The following RAB10 variants were observed in gnomAD, a reference collection of about 807,000 sequenced individuals.
RAB10 encodes ras-related protein Rab-10.
In RAB10, 5 loss-of-function variants were observed where a neutral mutation model predicts 25.7. That is an observed-to-expected ratio of 0.19 (90% confidence interval 0.10 to 0.41). The LOEUF (loss-of-function observed/expected upper bound fraction) is 0.41. Among genes scored for constraint, RAB10 ranks in the 10% least tolerant of loss-of-function variants. RAB10 has a pLI of 1.00. For synonymous variants in RAB10, 89 were observed against 86.4 expected, an observed-to-expected ratio of 1.03 and a Z score of -0.16; for missense variants, 103 against 245.8, an observed-to-expected ratio of 0.42 and a Z score of 3.89.
intron 1 of RAB10, among the ~76,000 whole-genome samples, chr2:26,037,587 C>T (rs1035190503): frequency 8.6e-5 from 13 of 151,234 alleles, no homozygotes; most frequent in Non-Finnish European, 1.5e-4. Flanking sequence ...TGTGGTGAGC[C>T]GAGATCGTGC....
intron 1 of RAB10, among the ~76,000 whole-genome samples, chr2:26,044,995 GTT>G (rs80128722): frequency 7.3e-6 from 1 of 136,668 alleles, no homozygotes; most frequent in Non-Finnish European, 1.6e-5. Flanking sequence ...TTTTGTTTTT[GTT>G]TTTTTTTTTT....
chr2:26,037,331 G>A (rs1231395370), intron 1 of RAB10, among the ~76,000 whole-genome samples: 1 of 151,964 alleles, frequency 6.6e-6, no homozygotes, highest in Non-Finnish European at 1.5e-5. Flanking sequence ...AACCTCTGTC[G>A]GCTTCAGGCT....
chr2:26,057,686 G>A (rs1039230726), intron 1 of RAB10, among the ~76,000 whole-genome samples: 6 of 128,706 alleles, frequency 4.7e-5, no homozygotes, highest in African/African-American at 1.7e-4. Context: ...GCAGTGACGC[G>A]ATCGCTGCTG....
intron 1 of RAB10, among the ~76,000 whole-genome samples, chr2:26,071,688 CAAAA>C (rs70950164): frequency 2.1e-5 from 3 of 144,570 alleles, no homozygotes; most frequent in African/African-American, 2.6e-5. Context: ...GACTTCATCT[CAAAA>C]AAAAAAAAAA....
At chr2:26,117,032 A>G (rs556938473) in intron 3 of RAB10, among the ~76,000 whole-genome samples, 1 of 152,254 alleles carries the variant, frequency 6.6e-6, no homozygotes, top group Non-Finnish European at 1.5e-5. Context: ...AGAGATAAGA[A>G]GAATTTATAT....
At chr2:26,045,868 A>G (rs1190109047) in intron 1 of RAB10, among the ~76,000 whole-genome samples, 1 of 151,836 alleles carries the variant, frequency 6.6e-6, no homozygotes, top group Non-Finnish European at 1.5e-5. Flanking sequence ...ACTTTATTTT[A>G]TATATAAAAA....
chr2:26,131,030 C>CT (rs36069349), intron 5 of RAB10, among the ~76,000 whole-genome samples: 4,238 of 110,210 alleles, frequency 0.038, 165 homozygotes, highest in African/African-American at 0.097. Flanking sequence ...TCAGTCTTGG[C>CT]TTTTTTTTTT....
intron 1 of RAB10, among the ~76,000 whole-genome samples, chr2:26,050,897 G>A (rs554171762): frequency 2.2e-3 from 328 of 151,762 alleles, no homozygotes; most frequent in African/African-American, 7.6e-3. Flanking sequence ...GTGAGTCCTT[G>A]TGCCTGTCCT....
At chr2:26,034,009 C>T (rs1665697981), upstream of RAB10, 2 of 399,072 alleles carry the variant, frequency 5.0e-6, no homozygotes, top group East Asian at 3.6e-5. Flanking sequence ...GCCCCCATGC[C>T]CTCTTGTGCG....
chr2:26,053,447 T>C (rs998404207), intron 1 of RAB10, among the ~76,000 whole-genome samples: 1 of 152,232 alleles, frequency 6.6e-6, no homozygotes, highest in Non-Finnish European at 1.5e-5. Context: ...TTCAATCTTA[T>C]GCTCTTGATG....
chr2:26,100,011 C>T (rs189648611), intron 2 of RAB10, among the ~76,000 whole-genome samples: 1 of 152,322 alleles, frequency 6.6e-6, no homozygotes, highest in East Asian at 1.9e-4. Flanking sequence ...TACCATCCCC[C>T]ACCAGTTGTT....
At chr2:26,132,761 A>ACCCC (rs35277441) in intron 5 of RAB10, among the ~76,000 whole-genome samples, 8 of 128,214 alleles carry the variant, frequency 6.2e-5, no homozygotes, top group South Asian at 5.2e-4. Context: ...CGCAAGAGAT[A>ACCCC]CCCCCCCCCC....
chr2:26,076,948 A>AG (rs1666749948), intron 1 of RAB10, among the ~76,000 whole-genome samples: 1 of 128,802 alleles, frequency 7.8e-6, no homozygotes, highest in African/African-American at 3.6e-5. Flanking sequence ...AAAAAAAGAG[A>AG]AAAAAAAAAA....
intron 5 of RAB10, among the ~76,000 whole-genome samples, chr2:26,129,137 G>A (rs963280012): frequency 2.6e-5 from 4 of 152,002 alleles, no homozygotes; most frequent in African/African-American, 9.7e-5. Flanking sequence ...GGGTGTGGTG[G>A]CACGTGCCTG....
intron 1 of RAB10, among the ~76,000 whole-genome samples, chr2:26,070,409 A>G (rs1204483715): frequency 2.0e-5 from 3 of 152,210 alleles, no homozygotes; most frequent in South Asian, 4.1e-4. Context: ...ACAGTCACTT[A>G]AAGTGACTAT....
rs114864817 is a variant in RAB10, at chr2:26,042,500, G to T, written c.127+7765G>T. On this transcript the variant is annotated intron_variant, in intron 1 of 5. Coordinates refer to ENST00000264710, the MANE Select transcript of RAB10 (RefSeq NM_016131.5). ...AAAAAAGCTTTTAAATAAAAAATTA[G>T]CTGGGTGCGGTGGTGTACACCTGTA... Among the ~76,000 whole-genome samples the T allele has an allele frequency of 4.2e-3, 640 of 152,094 alleles. 5 individuals carry two copies. Among genetic ancestry groups the T allele is most frequent in the African/African-American group, 0.015 (619 of 41,474 alleles).
chr2:26,051,940 C>T (rs1220164303), intron 1 of RAB10, among the ~76,000 whole-genome samples: 1 of 151,518 alleles, frequency 6.6e-6, no homozygotes, highest in Non-Finnish European at 1.5e-5. Context: ...ACCTGTAATC[C>T]CAGCTACTCA....
chr2:26,044,142 A>G (rs994467733), intron 1 of RAB10, among the ~76,000 whole-genome samples: 8 of 152,208 alleles, frequency 5.3e-5, no homozygotes, highest in African/African-American at 9.7e-5. Context: ...GGCAAATTTA[A>G]TGTTATGTTT....
intron 1 of RAB10, among the ~76,000 whole-genome samples, chr2:26,082,247 G>A (rs574825356): frequency 6.6e-6 from 1 of 152,076 alleles, no homozygotes; most frequent in African/African-American, 2.4e-5. Flanking sequence ...TGTTAAAAGT[G>A]GTATAATACC....
Sources: allele counts gnomAD v4.1 joint callset (sites outside exome capture counted in the v4.1 genomes callset), GRCh38; gene constraint gnomAD v4.1.1; transcripts MANE v1.5; gene names NCBI Gene and HGNC (gene_info 2026-07-23, HGNC 2026-07-21).